Variants in ACP7 observed in about 807,000 individuals in gnomAD.
ACP7 encodes acid phosphatase type 7.
ACP7 carries 58 observed loss-of-function variants against 60.6 expected under a neutral mutation model. The ratio of observed to expected loss-of-function variants is 0.96; its 90% CI spans 0.77 to 1.19. The LOEUF (loss-of-function observed/expected upper bound fraction) is 1.19. Among genes scored for constraint, ACP7 ranks in the 50% most tolerant of loss-of-function variants. The probability of loss-of-function intolerance (pLI) is 0.00; values close to 1 mark genes in which losing one functional copy is unlikely to be tolerated. For synonymous variants in ACP7, 237 were observed against 232.6 expected, an observed-to-expected ratio of 1.02 and a Z score of -0.17; for missense variants, 574 against 596.2, an observed-to-expected ratio of 0.96 and a Z score of 0.39.
chr19:39,101,258 G>A (rs1254317689), intron 9 of ACP7, 30 bp from the exon 10 acceptor site: 1 of 1,614,086 alleles, frequency 6.2e-7, no homozygotes, highest in Non-Finnish European at 8.5e-7. Context: ...CCCCAATTCA[G>A]AGGTCTGATC....
chr19:39,089,102 G>A (rs1254707677), intron 2 of ACP7, among the ~76,000 whole-genome samples: 4 of 151,958 alleles, frequency 2.6e-5, no homozygotes, highest in African/African-American at 7.3e-5. Flanking sequence ...GCTAATTTTT[G>A]TATTTTAGTA....
At chr19:39,099,469 G>A (rs1194097838) in intron 4 of ACP7, among the ~76,000 whole-genome samples, 1 of 152,130 alleles carries the variant, frequency 6.6e-6, no homozygotes, top group Admixed American at 6.6e-5. Flanking sequence ...GCTTTGCCTC[G>A]CAGGGTGCAG....
chr19:39,108,934 C>A (rs1299904372), intron 12 of ACP7, among the ~76,000 whole-genome samples: 2 of 152,120 alleles, frequency 1.3e-5, no homozygotes, highest in South Asian at 2.1e-4. Flanking sequence ...AATTCTCCTG[C>A]CTCAGCCTCC....
At chr19:39,098,313 T>C in intron 2 of ACP7, 145 bp from the exon 3 acceptor site, 1 of 431,634 alleles carries the variant, frequency 2.3e-6, no homozygotes, top group African/African-American at 2.1e-5. Flanking sequence ...ATGGCGGGGC[T>C]GGGATTGAAC....
chr19:39,101,129 C>A, intron 8 of ACP7, 21 bp from the exon 9 acceptor site: 2 of 1,614,032 alleles, frequency 1.2e-6, no homozygotes, highest in South Asian at 2.2e-5. Flanking sequence ...TCACCCTCAC[C>A]CGCTCATTCA....
intron 5 of ACP7, 62 bp downstream of exon 5, chr19:39,100,412 C>T: frequency 4.4e-6 from 7 of 1,606,304 alleles, no homozygotes; most frequent in Non-Finnish European, 6.0e-6. Context: ...TCTCGTTCTT[C>T]TTAGTGTCTC....
At position 39,094,256 on chromosome 19, in the gene ACP7, G is replaced by C. The variant is rs369844190; in HGVS notation, c.122-4202G>C. Among the ~76,000 whole-genome samples the C allele has an allele frequency of 6.6e-4, 100 of 152,212 alleles. 1 individual carries two copies. The highest frequency in any genetic ancestry group is 2.3e-3 in the African/African-American group (94 of 41,546). On this transcript the variant is annotated intron_variant, in intron 2 of 12. Transcript: ENST00000331256. ...TGGCTCACCCAAAGTGCTGATCCCA[G>C]CACTTTGGGAGGCCCAGGTGGGTGG...
intron 11 of ACP7, among the ~76,000 whole-genome samples, chr19:39,105,758 C>T (rs542943011): frequency 1.3e-5 from 2 of 152,248 alleles, no homozygotes; most frequent in African/African-American, 4.8e-5. Flanking sequence ...GCAATCTGCC[C>T]GCCTCGGCCT....
intron 11 of ACP7, among the ~76,000 whole-genome samples, chr19:39,103,071 C>T (rs1382290564): frequency 2.6e-5 from 4 of 151,948 alleles, no homozygotes; most frequent in South Asian, 2.1e-4. Flanking sequence ...CTCCGGACCT[C>T]GGGTGATCAG....
chr19:39,107,179 G>C, intron 12 of ACP7, 95 bp downstream of exon 12: 1 of 1,296,176 alleles, frequency 7.7e-7, no homozygotes, highest in Non-Finnish European at 1.0e-6. Context: ...GGGCGCAGTG[G>C]CTCATGCCTG....
chr19:39,100,847 C>G lies in ACP7; in HGVS notation c.801C>G (p.Asp267Glu). The change falls in exon 7 of 13, where the codon GAC (aspartate) becomes GAG (glutamate). Residue 267 changes from aspartate to glutamate, a missense_variant. Coordinates refer to ENST00000331256, the MANE Select transcript of ACP7 (RefSeq NM_001004318.3). ...GGCAGTTTCGCTGGCTGGAGAGCGACCTCCAGGTAACCTGGGTGGAGGCCC... is the reference window on the plus strand; with the variant it reads ...GGCAGTTTCGCTGGCTGGAGAGCGAGCTCCAGGTAACCTGGGTGGAGGCCC... ...VQRQFRWLES[D>E]LQKANKNRAA... is the part of the protein sequence containing the mutation. The G allele has an allele frequency of 6.2e-7, 1 of 1,613,498 alleles. No homozygotes were observed. Among genetic ancestry groups the G allele is most frequent in the Non-Finnish European group, 8.5e-7 (1 of 1,179,884 alleles).
intron 2 of ACP7, among the ~76,000 whole-genome samples, chr19:39,088,902 T>A (rs1297344747): frequency 6.6e-6 from 1 of 150,736 alleles, no homozygotes; most frequent in Non-Finnish European, 1.5e-5. Flanking sequence ...CGCATCACCA[T>A]GCCTGGCTGA....
At chr19:39,098,932 G>A (rs750606345) in intron 3 of ACP7, 28 bp from the exon 4 acceptor site, 2 of 1,601,028 alleles carry the variant, frequency 1.2e-6, no homozygotes, top group African/African-American at 1.3e-5. Context: ...CGCCCCAGCT[G>A]ACTGCGACCT....
Position 39,098,657 on chromosome 19 carries a change from T to G in ACP7, c.321T>G (p.Tyr107Ter). The part of the protein sequence containing the change: ...TLRKLLPGVQ[Y>*]VYRCGSAQGW... ...GCAAGCTGCTGCCAGGGGTTCAGTA[T>G]GGTGAGAGGGGCCCCAGGCTGAGCT... Residue 107 changes from tyrosine to a stop codon, truncating the protein, a stop_gained and splice_region_variant, in exon 3 of 13, where the codon TAT becomes TAG. Transcript: ENST00000331256. LOFTEE classifies it high-confidence loss of function. 1 of 1,607,638 alleles carries G rather than the reference T, an allele frequency of 6.2e-7. No individual in the cohort carries two copies. Among genetic ancestry groups the G allele is most frequent in the South Asian group, 1.1e-5 (1 of 90,168 alleles).
At chr19:39,085,448 T>C in intron 2 of ACP7, 58 bp downstream of exon 2, 1 of 1,534,066 alleles carries the variant, frequency 6.5e-7, no homozygotes, top group Non-Finnish European at 8.8e-7. Context: ...GGTGCTTCGT[T>C]GTTTGAGGGC....
intron 12 of ACP7, among the ~76,000 whole-genome samples, chr19:39,109,348 T>A (rs1163537287): frequency 6.6e-6 from 1 of 152,130 alleles, no homozygotes; most frequent in Non-Finnish European, 1.5e-5. Flanking sequence ...ACTCTGGGCA[T>A]CTATTACTTT....
intron 2 of ACP7, among the ~76,000 whole-genome samples, chr19:39,093,172 C>CCTTCCTTCCTTCCTTCCT (rs1555767303): frequency 8.3e-4 from 67 of 80,820 alleles, no homozygotes; most frequent in Non-Finnish European, 1.0e-3. Context: ...CTTTCTTTCT[C>CCTTCCTTCCTTCCTTCCT]TCCTTCCTTC....
At chr19:39,102,983 G>A (rs2073372352) in intron 11 of ACP7, among the ~76,000 whole-genome samples, 1 of 151,628 alleles carries the variant, frequency 6.6e-6, no homozygotes, top group Non-Finnish European at 1.5e-5. Context: ...GATTACAGGT[G>A]CCCACCCCCA....
At chr19:39,092,808 C>T (rs1041780094) in intron 2 of ACP7, among the ~76,000 whole-genome samples, 19 of 134,178 alleles carry the variant, frequency 1.4e-4, no homozygotes, top group Non-Finnish European at 1.4e-4. Context: ...GATGGAGTCT[C>T]GCTCTGTCAC....
Sources: gnomAD v4.1 joint callset for allele counts (sites outside exome capture counted in the v4.1 genomes callset) on GRCh38, gnomAD v4.1.1 for gene constraint, MANE v1.5 for transcripts, NCBI Gene and HGNC (gene_info 2026-07-23, HGNC 2026-07-21) for gene names.